Variants in TNRC6A observed in about 807,000 individuals in gnomAD.
TNRC6A encodes the protein trinucleotide repeat containing adaptor 6A, also known as trinucleotide repeat-containing gene 6A protein.
Under a neutral mutation model 221.2 loss-of-function variants are expected in TNRC6A, and 44 were observed. The ratio of observed to expected loss-of-function variants is 0.20; its 90% CI spans 0.16 to 0.26. TNRC6A has a LOEUF of 0.26. Among genes scored for constraint, TNRC6A ranks in the 10% least tolerant of loss-of-function variants. The pLI is 1.00. For synonymous variants in TNRC6A, 847 were observed against 838.5 expected (o/e 1.01, Z -0.18); for missense variants, 2,199 against 2,404.4 (o/e 0.91, Z 1.79).
chr16:24,801,628 C>T lies in TNRC6A; in HGVS notation c.3695-2549C>T, dbSNP rs371949622. Reference sequence around the variant, plus strand: ...GCAACCTCTGCCTCCCAGGTTCAAGCGATTCTCCTGCCTCCACGCCCAGCT... The same window carrying T: ...GCAACCTCTGCCTCCCAGGTTCAAGTGATTCTCCTGCCTCCACGCCCAGCT... On this transcript the variant is annotated intron_variant, in intron 11 of 24. Transcript: ENST00000395799. Among the ~76,000 whole-genome samples the T allele has an allele frequency of 2.0e-5, 3 of 149,300 alleles. No individual in the cohort carries two copies. The East Asian group carries it at 5.9e-4, about 29-fold the overall frequency.
At chr16:24,766,674 C>CTTTTTTT (rs397972605) in intron 4 of TNRC6A, among the ~76,000 whole-genome samples, 4 of 121,410 alleles carry the variant, frequency 3.3e-5, no homozygotes, top group Non-Finnish European at 3.4e-5. Context: ...TTCTTTTTAT[C>CTTTTTTT]TTTTTTTTTT....
intron 2 of TNRC6A, among the ~76,000 whole-genome samples, chr16:24,702,175 C>CTTT (rs1206941252): frequency 1.8e-4 from 4 of 22,300 alleles, no homozygotes; most frequent in Admixed American, 5.4e-4. Flanking sequence ...TTTCTTTTTT[C>CTTT]TTTTTTCTTT....
At position 24,790,944 on chromosome 16, in the gene TNRC6A, G is replaced by A. The variant is rs201054736; in HGVS notation, c.2302G>A (p.Asp768Asn). 5.6e-6 allele frequency: 9 copies of A among 1,613,270 alleles called. No homozygotes were observed. Among genetic ancestry groups the A allele is most frequent in the South Asian group, 3.3e-5 (3 of 90,926 alleles). The part of the protein sequence containing the change: ...TQTFNSGACI[D>N]KTSPNGNDTS... ...GACTTTTAACTCAGGGGCATGTATA[G>A]ATAAGACTAGCCCTAATGGTAATGA... Residue 768 changes from aspartate (D) to asparagine (N), a missense_variant, in exon 6 of 25, where the codon GAT becomes AAT. By Grantham distance (23) the Asp-to-Asn change is conservative. Coordinates refer to ENST00000395799, the MANE Select transcript of TNRC6A (RefSeq NM_014494.4).
intron 1 of TNRC6A, among the ~76,000 whole-genome samples, chr16:24,635,455 G>A (rs1901589858): frequency 6.6e-6 from 1 of 151,726 alleles, no homozygotes; most frequent in African/African-American, 2.4e-5. Context: ...GCTAATTTTT[G>A]TATTTTTAGT....
At chr16:24,626,572 T>G (rs549474461) in intron 1 of TNRC6A, among the ~76,000 whole-genome samples, 2 of 152,216 alleles carry the variant, frequency 1.3e-5, no homozygotes, top group Non-Finnish European at 2.9e-5. Flanking sequence ...AGCTCCAGAT[T>G]TAAAAAATTT....
At position 24,795,977 on chromosome 16, in the gene TNRC6A, T is replaced by C. The variant is rs750612929; in HGVS notation, c.3561+38T>C. ...TTTACTCTTTCTCCTTTGTTTCTACTAGTAAAAATCTTTAGAAAGCAACTG... is the reference window on the plus strand; with the variant it reads ...TTTACTCTTTCTCCTTTGTTTCTACCAGTAAAAATCTTTAGAAAGCAACTG... On this transcript the variant is annotated intron_variant, in intron 9 of 24. Transcript: ENST00000395799. The C allele has an allele frequency of 7.5e-6, 12 of 1,610,646 alleles. No individual in the cohort carries two copies. The South Asian group carries it at 1.2e-4, about 16-fold the overall frequency.
At chr16:24,743,299 C>T (rs937218909) in intron 2 of TNRC6A, among the ~76,000 whole-genome samples, 1 of 152,050 alleles carries the variant, frequency 6.6e-6, no homozygotes, top group Non-Finnish European at 1.5e-5. Context: ...CACTAACTTT[C>T]CTCAATCTGA....
At chr16:24,649,645 T>A (rs1376736964) in intron 2 of TNRC6A, among the ~76,000 whole-genome samples, 1 of 151,986 alleles carries the variant, frequency 6.6e-6, no homozygotes, top group African/African-American at 2.4e-5. Context: ...GTAAGAACAC[T>A]TAATATCTAC....
intron 9 of TNRC6A, among the ~76,000 whole-genome samples, chr16:24,796,740 G>A (rs1158894538): frequency 1.1e-5 from 1 of 89,636 alleles, no homozygotes; most frequent in African/African-American, 6.3e-5. Context: ...CAATGGGAAG[G>A]GGTAATGAAG....
At chr16:24,784,209 C>T (rs1211116800) in intron 5 of TNRC6A, among the ~76,000 whole-genome samples, 4 of 152,182 alleles carry the variant, frequency 2.6e-5, no homozygotes, top group Non-Finnish European at 5.9e-5. Context: ...ACCCTGTTGG[C>T]CAGGCTGGCC....
At chr16:24,767,827 A>T (rs1306626586) in intron 4 of TNRC6A, among the ~76,000 whole-genome samples, 2 of 152,200 alleles carry the variant, frequency 1.3e-5, no homozygotes, top group Non-Finnish European at 2.9e-5. Flanking sequence ...CTCAGTGGGA[A>T]CTAACTTCTA....
At chr16:24,776,460 T>C (rs2057719690) in intron 4 of TNRC6A, 3 of 985,458 alleles carry the variant, frequency 3.0e-6, no homozygotes, top group Admixed American at 6.1e-5. Context: ...TTTCTAACCT[T>C]GTGTTGTTCT....
At chr16:24,785,755 T>C (rs1180867725) in intron 5 of TNRC6A, among the ~76,000 whole-genome samples, 1 of 152,212 alleles carries the variant, frequency 6.6e-6, no homozygotes, top group Admixed American at 6.5e-5. Context: ...TTGTTTTCGA[T>C]GGCCAATCTT....
chr16:24,782,196 G>A (rs1390843034), intron 5 of TNRC6A, among the ~76,000 whole-genome samples: 1 of 152,158 alleles, frequency 6.6e-6, no homozygotes, highest in African/African-American at 2.4e-5. Context: ...AAGTTGCCCT[G>A]GTTGAGGTGT....
chr16:24,742,123 A>T (rs1389350899), intron 2 of TNRC6A, among the ~76,000 whole-genome samples: 1 of 152,198 alleles, frequency 6.6e-6, no homozygotes, highest in Non-Finnish European at 1.5e-5. Flanking sequence ...GGTATGAGCC[A>T]CCACACCTAG....
chr16:24,811,871 T>C (rs2058550200), intron 18 of TNRC6A, among the ~76,000 whole-genome samples: 1 of 152,012 alleles, frequency 6.6e-6, no homozygotes, highest in South Asian at 2.1e-4. Context: ...TTAACTAAAC[T>C]TTAGGGTCAG....
At chr16:24,757,207 C>T (rs1453923063) in intron 3 of TNRC6A, among the ~76,000 whole-genome samples, 1 of 151,984 alleles carries the variant, frequency 6.6e-6, no homozygotes, top group African/African-American at 2.4e-5. Flanking sequence ...CACTAGTGCT[C>T]TAAAACTTAG....
Position 24,696,742 on chromosome 16 carries a change from A to AGAAAG in TNRC6A, n.403-53984_403-53983insGAAAG, listed in dbSNP as rs1254102538. On this transcript the variant is annotated intron_variant and non_coding_transcript_variant, in intron 2 of 2. Coordinates refer to the TNRC6A transcript ENST00000566108. ...AGACCCTGTCTCAAAAAAAAAAAAA[A>AGAAAG]AAAGAAAGGAAAGGAAAGGAAGGGA... Among the ~76,000 whole-genome samples, 606 of 146,730 alleles carry AGAAAG rather than the reference A, an allele frequency of 4.1e-3. 14 individuals carry two copies. Among genetic ancestry groups the AGAAAG allele is most frequent in the African/African-American group, 0.015 (579 of 39,608 alleles).
intron 5 of TNRC6A, among the ~76,000 whole-genome samples, chr16:24,778,081 G>A (rs146099344): frequency 1.3e-5 from 2 of 152,150 alleles, no homozygotes; most frequent in Non-Finnish European, 2.9e-5. Context: ...GGGAATGAAG[G>A]TGCCCATACA....
Sources: gnomAD v4.1 joint callset for allele counts (sites outside exome capture counted in the v4.1 genomes callset) on GRCh38, gnomAD v4.1.1 for gene constraint, MANE v1.5 for transcripts, NCBI Gene and HGNC (gene_info 2026-07-23, HGNC 2026-07-21) for gene names.